ACACA: variants seen among roughly 807,000 people sequenced by gnomAD.
ACACA encodes the protein acetyl-CoA carboxylase alpha.
In ACACA, 103 loss-of-function variants were observed where a neutral mutation model predicts 296.1. The observed-to-expected ratio is 0.35, with a 90% CI of 0.30 to 0.41. ACACA has a LOEUF of 0.41. Ranked by LOEUF, ACACA falls within the 10% of genes least tolerant of loss-of-function variation. The pLI, the probability that ACACA is intolerant of heterozygous loss-of-function variation, is 1.00. For missense variants in ACACA, 1,554 were observed against 2,989.7 expected (o/e 0.52, Z 11.20); for synonymous variants, 953 against 1,038.6 (o/e 0.92, Z 1.58).
chr17:37,379,036 C>A (rs2147725370), intron 1 of ACACA: 2 of 1,364,072 alleles, frequency 1.5e-6, no homozygotes, highest in Non-Finnish European at 2.0e-6. Flanking sequence ...TGCGACACTG[C>A]ACTCCAGCTT....
rs1365029862 is a variant in ACACA, at chr17:37,085,115, G to A, written c.*2201C>T. 6.5e-6 allele frequency: 1 copy of A among 153,516 alleles called. No individual in the cohort carries two copies. Among genetic ancestry groups the A allele is most frequent in the Non-Finnish European group, 1.5e-5 (1 of 68,812 alleles). 9.5% of individuals were successfully genotyped at this position (153,516 alleles called of 1,614,324 possible). On this transcript the variant is annotated 3_prime_UTR_variant, in exon 56 of 56. Transcript: ENST00000616317. ...GTGAAGGCTGTTTTGTGAACGAAGA[G>A]AACAGATAATATGGCGGTCTCCGTC...
chr17:37,385,272 G>T (rs930215900), intron 1 of ACACA, among the ~76,000 whole-genome samples: 1 of 152,120 alleles, frequency 6.6e-6, no homozygotes, highest in African/African-American at 2.4e-5. Context: ...AGGAGTTTAA[G>T]ACCAGCCTGG....
chr17:37,138,343 G>C (rs1338411737), intron 45 of ACACA, among the ~76,000 whole-genome samples: 1 of 152,198 alleles, frequency 6.6e-6, no homozygotes, highest in East Asian at 1.9e-4. Flanking sequence ...TCATAGACCA[G>C]TCTGTGCACA....
At chr17:37,207,593 T>A (rs948389851) in intron 31 of ACACA, 64 bp downstream of exon 31, 2 of 1,596,156 alleles carry the variant, frequency 1.3e-6, no homozygotes, top group Non-Finnish European at 1.7e-6. Flanking sequence ...TGCAGAAAGA[T>A]GAGACCCCAA....
intron 52 of ACACA, among the ~76,000 whole-genome samples, chr17:37,106,224 T>TG (rs2142936632): frequency 6.6e-6 from 1 of 152,318 alleles, no homozygotes; most frequent in East Asian, 1.9e-4. Flanking sequence ...AAAGCATTCT[T>TG]GAAAAACTGC....
chr17:37,362,479 A>C (rs542826962), intron 1 of ACACA, among the ~76,000 whole-genome samples: 1 of 152,274 alleles, frequency 6.6e-6, no homozygotes, highest in East Asian at 1.9e-4. Flanking sequence ...TCTGTGTCAC[A>C]CTCTTTAGAT....
chr17:37,288,828 G>C (rs1260802556), intron 3 of ACACA, among the ~76,000 whole-genome samples: 1 of 151,912 alleles, frequency 6.6e-6, no homozygotes, highest in East Asian at 1.9e-4. Context: ...GAGCCAGGAA[G>C]ACTAGGCTGC....
At chr17:37,286,697 C>T (rs377187087) in intron 3 of ACACA, among the ~76,000 whole-genome samples, 5 of 152,140 alleles carry the variant, frequency 3.3e-5, no homozygotes, top group African/African-American at 1.2e-4. Context: ...CTTTGGCAGT[C>T]AGAATATCAA....
At chr17:37,401,349 C>A (rs576635415) in intron 1 of ACACA, among the ~76,000 whole-genome samples, 1 of 151,596 alleles carries the variant, frequency 6.6e-6, no homozygotes. Flanking sequence ...CCCGCCACCA[C>A]GCCCAGCTAA....
At chr17:37,343,043 T>C (rs1401301194) in intron 1 of ACACA, among the ~76,000 whole-genome samples, 2 of 152,196 alleles carry the variant, frequency 1.3e-5, no homozygotes, top group Non-Finnish European at 2.9e-5. Context: ...AGTGGCACGA[T>C]CTCAGCTCAA....
chr17:37,352,024 G>C (rs549928555), intron 1 of ACACA, among the ~76,000 whole-genome samples: 1 of 150,128 alleles, frequency 6.7e-6, no homozygotes, highest in East Asian at 2.0e-4. Flanking sequence ...TCCGCCTCCC[G>C]GGTTCATGCC....
In ACACA at chr17:37,284,906, G is replaced by A. The variant is rs779546246; in HGVS notation, c.403C>T (p.Arg135Ter). ...GCTGGAGAAGCCACAGTGAAATCTC[G>A]TTGAGAATCTATTTTCTTTCTGTCT... ...GRDRKKIDSQ[R>*]DFTVASPAEF... Residue 135 changes from arginine to a stop codon, truncating the protein, a stop_gained, in exon 4 of 56, where the codon CGA (arginine) becomes TGA (stop). Coordinates refer to ENST00000616317, the MANE Select transcript of ACACA (RefSeq NM_198834.3). LOFTEE classifies it high-confidence loss of function. The A allele has an allele frequency of 4.3e-6, 7 of 1,613,968 alleles. No individual in the cohort carries two copies. The highest frequency in any genetic ancestry group is 2.7e-5 in the African/African-American group (2 of 74,888).
chr17:37,360,889 A>G (rs1028430937), intron 1 of ACACA, among the ~76,000 whole-genome samples: 2 of 152,148 alleles, frequency 1.3e-5, no homozygotes, highest in Non-Finnish European at 2.9e-5. Flanking sequence ...TGGCCTGGGA[A>G]GAGGGAAGCC....
chr17:37,392,309 A>T (rs2050917104), intron 1 of ACACA: 1 of 152,442 alleles, frequency 6.6e-6, no homozygotes, highest in African/African-American at 2.4e-5. Context: ...GACCATTAGT[A>T]CCCAAGTGAA....
chr17:37,127,853 A>G (rs1051177422), intron 47 of ACACA, among the ~76,000 whole-genome samples: 10 of 150,504 alleles, frequency 6.6e-5, no homozygotes, highest in Non-Finnish European at 1.3e-4. Context: ...AAAAAAAAAA[A>G]AAAGAAAAAG....
rs9891423 is a variant in ACACA, at chr17:37,160,491, C to T, written c.5349+1290G>A. 9.7e-3 allele frequency among the ~76,000 whole-genome samples: 1,482 copies of T among 152,118 alleles called. 21 individuals are homozygous for T. The highest frequency in any genetic ancestry group is 0.034 in the African/African-American group (1,403 of 41,480). ...AGCTAAGAGTGGGGAGAGGGAAGTG[C>T]GTGTTACAGGTTTGAGGGGAGAGAT... On this transcript the variant is annotated intron_variant, in intron 42 of 55. Coordinates refer to ENST00000616317, the MANE Select transcript of ACACA (RefSeq NM_198834.3).
chr17:37,298,036 C>A (rs2083440619), intron 3 of ACACA, among the ~76,000 whole-genome samples: 1 of 152,144 alleles, frequency 6.6e-6, no homozygotes, highest in Admixed American at 6.5e-5. Flanking sequence ...TATCTCCCTG[C>A]AACCTCAAAC....
At chr17:37,207,842 G>A (rs749878382) in intron 30 of ACACA, 42 bp from the exon 31 acceptor site, 4 of 1,607,174 alleles carry the variant, frequency 2.5e-6, no homozygotes, top group Non-Finnish European at 3.4e-6. Context: ...AAGGAGGGTA[G>A]GAGCAAGGAC....
At chr17:37,201,344 G>C (rs963043313) in intron 33 of ACACA, among the ~76,000 whole-genome samples, 2 of 152,056 alleles carry the variant, frequency 1.3e-5, no homozygotes, top group African/African-American at 4.8e-5. Flanking sequence ...GAGAGAATGA[G>C]GCATGAAAAT....
Sources: allele counts gnomAD v4.1 joint callset (sites outside exome capture counted in the v4.1 genomes callset), GRCh38; gene constraint gnomAD v4.1.1; transcripts MANE v1.5; gene names NCBI Gene and HGNC (gene_info 2026-07-23, HGNC 2026-07-21).